Variants in PCDHA7 observed in about 807,000 individuals in gnomAD.
PCDHA7 encodes the protein protocadherin alpha 7, also known as protocadherin alpha-7.
A neutral mutation model predicts 57.2 loss-of-function variants in PCDHA7; 37 were observed. That is an observed-to-expected ratio of 0.65 (90% CI 0.50 to 0.85). PCDHA7 has a LOEUF of 0.85. PCDHA7 is among the 40% of genes least tolerant of loss of function. PCDHA7 has a pLI of 0.00. For missense variants in PCDHA7, 1,188 were observed against 1,241.8 expected (o/e 0.96, Z 0.65); for synonymous variants, 553 against 558.8 (o/e 0.99, Z 0.15).
intron 3 of PCDHA7, among the ~76,000 whole-genome samples, chr5:140,997,147 A>G (rs545988847): frequency 5.9e-5 from 9 of 152,134 alleles, no homozygotes; most frequent in African/African-American, 2.2e-4. Context: ...CCCCCGCCAC[A>G]GTGACATCCT....
chr5:140,836,200 G>C lies in PCDHA7; in HGVS notation c.1817G>C (p.Trp606Ser), dbSNP rs2150255227. ...AVDADSGYNA[W>S]LSYELQPVAA... ...GACGCTGACTCAGGCTACAACGCGT[G>C]GCTTTCGTATGAGTTGCAACCGGTG... Residue 606 changes from tryptophan (W) to serine (S), a missense_variant, in exon 1 of 4, where the codon TGG (tryptophan) becomes TCG (serine). Transcript: ENST00000525929. 4 of 1,613,854 alleles carry C rather than the reference G, an allele frequency of 2.5e-6. No individual in the cohort carries two copies. The South Asian group carries it at 4.4e-5, about 18-fold the overall frequency.
At chr5:140,996,811 A>G (rs2097746792) in intron 3 of PCDHA7, among the ~76,000 whole-genome samples, 1 of 152,212 alleles carries the variant, frequency 6.6e-6, no homozygotes, top group African/African-American at 2.4e-5. Flanking sequence ...ATGCTTTCCA[A>G]AAGTAACCAC....
chr5:140,852,108 G>A, intron 1 of PCDHA7: 1 of 906,254 alleles, frequency 1.1e-6, no homozygotes, highest in Non-Finnish European at 1.3e-6. Context: ...TATTTTACAA[G>A]GTATGACCTA....
chr5:140,841,711 G>A (rs1385576183), intron 1 of PCDHA7: 3 of 1,613,772 alleles, frequency 1.9e-6, no homozygotes, highest in Admixed American at 1.7e-5. Flanking sequence ...ATGACAACCC[G>A]CCAGTGTTCC....
chr5:140,897,309 A>G (rs1165791921), intron 1 of PCDHA7, among the ~76,000 whole-genome samples: 3 of 148,098 alleles, frequency 2.0e-5, no homozygotes, highest in Non-Finnish European at 3.0e-5. Flanking sequence ...CATTAGGTAT[A>G]TCTCCTAAAG....
intron 1 of PCDHA7, chr5:140,871,093 G>C: frequency 1.9e-6 from 3 of 1,613,300 alleles, no homozygotes; most frequent in Non-Finnish European, 2.5e-6. Context: ...CACGGCCACC[G>C]TGCTGGTGTC....
chr5:140,926,892 G>A (rs781956892), intron 1 of PCDHA7: 10 of 1,546,640 alleles, frequency 6.5e-6, no homozygotes, highest in African/African-American at 2.7e-5. Context: ...CTAGAGGGAG[G>A]ATGGTGGGCT....
At chr5:140,968,346 C>A in intron 1 of PCDHA7, 2 of 1,614,090 alleles carry the variant, frequency 1.2e-6, no homozygotes, top group Non-Finnish European at 1.7e-6. Context: ...ATTAACAGTG[C>A]CAGTGGCAGC....
intron 1 of PCDHA7, chr5:140,853,468 T>A: frequency 1.0e-6 from 1 of 970,862 alleles, no homozygotes. Flanking sequence ...TATGCATCTG[T>A]AGTTAACATT....
rs146722772 is a variant in PCDHA7, at chr5:140,848,558, C to T, written c.2355+11820C>T. ...CTCTACTGCTCTCGCTTCTGATCCTCGCAATGTGGGTGGTGGGGAGCGGCC... is the reference window on the plus strand; with the variant it reads ...CTCTACTGCTCTCGCTTCTGATCCTTGCAATGTGGGTGGTGGGGAGCGGCC... On this transcript the variant is annotated intron_variant, in intron 1 of 3. Coordinates refer to ENST00000525929, the MANE Select transcript of PCDHA7 (RefSeq NM_018910.3). 8.8e-6 allele frequency: 14 copies of T among 1,595,498 alleles called. 1 individual carries two copies. In the African/African-American group the frequency reaches 1.6e-4, roughly 18 times the overall value.
intron 1 of PCDHA7, chr5:140,856,664 C>T (rs782626089): frequency 6.3e-7 from 1 of 1,598,020 alleles, no homozygotes; most frequent in Non-Finnish European, 8.6e-7. Context: ...AGAAAATCCT[C>T]AGCTAAAGTT....
chr5:140,859,468 C>T, intron 1 of PCDHA7: 1 of 211,932 alleles, frequency 4.7e-6, no homozygotes, highest in Non-Finnish European at 9.2e-6. Flanking sequence ...ACTACACTAT[C>T]AATTGTGTTT....
chr5:140,868,901 C>T lies in PCDHA7; in HGVS notation c.2355+32163C>T, dbSNP rs1408967625. 6 of 828,816 alleles carry T rather than the reference C, an allele frequency of 7.2e-6. No homozygotes were observed. In the African/African-American group the frequency reaches 1.0e-4, roughly 14 times the overall value. The allele number at this position is 828,816 out of a possible 1,614,324, so 51.3% of individuals were successfully genotyped here. ...TCACAGTTTTAGGCGCAAGGTGTCG[C>T]TCTTTACTTGGTGGAAAGTTCATTT... On this transcript the variant is annotated intron_variant, in intron 1 of 3. Transcript: ENST00000525929.
intron 1 of PCDHA7, among the ~76,000 whole-genome samples, chr5:140,886,712 G>A (rs950364984): frequency 1.3e-5 from 2 of 151,798 alleles, no homozygotes; most frequent in Middle Eastern, 3.4e-3. Flanking sequence ...TGTAATCCCA[G>A]CTACTTGGGA....
At chr5:140,936,849 G>A (rs927747848) in intron 1 of PCDHA7, among the ~76,000 whole-genome samples, 1 of 152,006 alleles carries the variant, frequency 6.6e-6, no homozygotes, top group Non-Finnish European at 1.5e-5. Context: ...TGTAGATTCA[G>A]CTTCTCAGTT....
At chr5:140,927,186 C>T in intron 1 of PCDHA7, 1 of 1,614,174 alleles carries the variant, frequency 6.2e-7, no homozygotes, top group East Asian at 2.2e-5. Context: ...TGACCTACGA[C>T]CTGGTGCTCG....
chr5:140,933,159 A>G (rs565076666), intron 1 of PCDHA7, among the ~76,000 whole-genome samples: 67 of 152,098 alleles, frequency 4.4e-4, no homozygotes, highest in African/African-American at 1.3e-3. Flanking sequence ...TTTGTTCCCA[A>G]TTTTAATTGA....
At chr5:140,966,732 G>A in intron 1 of PCDHA7, 1 of 1,415,600 alleles carries the variant, frequency 7.1e-7, no homozygotes, top group South Asian at 1.6e-5. Flanking sequence ...GCCGCCTCCG[G>A]CCCTGCCCGG....
chr5:140,933,032 G>A (rs1425582468), intron 1 of PCDHA7, among the ~76,000 whole-genome samples: 1 of 152,016 alleles, frequency 6.6e-6, no homozygotes, highest in Non-Finnish European at 1.5e-5. Flanking sequence ...AGAACTTCAA[G>A]TGAATATGGA....
Sources: gnomAD v4.1 joint callset for allele counts (sites outside exome capture counted in the v4.1 genomes callset) on GRCh38, gnomAD v4.1.1 for gene constraint, MANE v1.5 for transcripts, NCBI Gene and HGNC (gene_info 2026-07-23, HGNC 2026-07-21) for gene names.